Variants in ITGA9 observed in about 807,000 individuals in gnomAD.
ITGA9 encodes integrin alpha-9.
In ITGA9, 56 loss-of-function variants were observed where a neutral mutation model predicts 127.8. That is an observed-to-expected ratio of 0.44 (90% confidence interval 0.35 to 0.55). The LOEUF is 0.55. Among genes scored for constraint, ITGA9 ranks in the 20% least tolerant of loss-of-function variants. The pLI is 0.00. For synonymous variants in ITGA9, 508 were observed against 514.5 expected (o/e 0.99, Z 0.17); for missense variants, 1,196 against 1,347.1 (o/e 0.89, Z 1.76).
chr3:37,465,397 A>G lies in ITGA9; in HGVS notation c.186-5610A>G, dbSNP rs371556620. ...TGCAGGGCACTTAAACTGCCACACC[A>G]GGAGGGGGTTTGGAGAGGCTGGAAA... On this transcript the variant is annotated intron_variant, in intron 1 of 27. Coordinates refer to ENST00000264741, the MANE Select transcript of ITGA9 (RefSeq NM_002207.3). Among the ~76,000 whole-genome samples, 38 of 152,308 alleles carry G rather than the reference A, an allele frequency of 2.5e-4. No homozygotes were observed. In the South Asian group the frequency reaches 7.5e-3, roughly 30 times the overall value.
Position 37,494,581 on chromosome 3 carries a change from T to C in ITGA9, c.612+13T>C. ...CTTCTTCACCGAGGTGGGTGTCTGC[T>C]GTCTGGGCATTTCTGTTCTCTTGTG... On this transcript the variant is annotated intron_variant, in intron 5 of 27. Transcript: ENST00000264741. The C allele has an allele frequency of 1.9e-6, 3 of 1,609,636 alleles. No homozygotes were observed. The highest frequency in any genetic ancestry group is 2.6e-6 in the Non-Finnish European group (3 of 1,176,058).
rs927883061 is a variant in ITGA9, at chr3:37,513,969, G to A, written c.1035+69G>A. 2.3e-5 allele frequency: 36 copies of A among 1,590,642 alleles called. No homozygotes were observed. The African/African-American group carries it at 3.4e-4, about 15-fold the overall frequency. On this transcript the variant is annotated intron_variant, in intron 9 of 27. Transcript: ENST00000264741. Reference sequence around the variant, plus strand: ...GACATTTGTCCAGCCAGCAGTGGCCGAGCACCCCTCTGGGCCGGCACTGGG... The same window carrying A: ...GACATTTGTCCAGCCAGCAGTGGCCAAGCACCCCTCTGGGCCGGCACTGGG...
chr3:37,578,836 T>TA (rs34036748), intron 15 of ITGA9, among the ~76,000 whole-genome samples: 97,894 of 151,648 alleles, frequency 0.65, 31,912 homozygotes, highest in East Asian at 0.74. Flanking sequence ...AGAAAGAAGG[T>TA]AAGTCCTAAG....
At chr3:37,544,147 C>T (rs998500343) in intron 15 of ITGA9, among the ~76,000 whole-genome samples, 2 of 152,236 alleles carry the variant, frequency 1.3e-5, no homozygotes, top group Non-Finnish European at 2.9e-5. Flanking sequence ...TTCTTTGCAG[C>T]TTCTTGCTTT....
intron 5 of ITGA9, 135 bp from the exon 6 acceptor site, chr3:37,503,043 T>G: frequency 1.1e-6 from 1 of 893,478 alleles, no homozygotes. Flanking sequence ...GAAATCTGTT[T>G]TTGTTGCTTA....
intron 15 of ITGA9, among the ~76,000 whole-genome samples, chr3:37,562,428 C>G (rs917694980): frequency 1.3e-5 from 2 of 152,192 alleles, no homozygotes; most frequent in Non-Finnish European, 2.9e-5. Flanking sequence ...CTTTATTCCT[C>G]TTTAGTTGAC....
intron 18 of ITGA9, among the ~76,000 whole-genome samples, chr3:37,723,974 T>C (rs947201678): frequency 6.6e-6 from 1 of 152,204 alleles, no homozygotes; most frequent in Non-Finnish European, 1.5e-5. Context: ...ATGTCACTCA[T>C]TGGAAATTAA....
intron 18 of ITGA9, among the ~76,000 whole-genome samples, chr3:37,717,634 AACTC>A (rs759122491): frequency 1.3e-5 from 2 of 152,116 alleles, no homozygotes; most frequent in Non-Finnish European, 2.9e-5. Context: ...ATCTCATGAG[AACTC>A]ACTCACTATC....
At chr3:37,671,725 T>TA (rs1700638788) in intron 17 of ITGA9, among the ~76,000 whole-genome samples, 1 of 152,158 alleles carries the variant, frequency 6.6e-6, no homozygotes, top group African/African-American at 2.4e-5. Flanking sequence ...TGAGGTGCGT[T>TA]ACAGGGGTGC....
At chr3:37,607,931 C>T (rs898303810) in intron 15 of ITGA9, among the ~76,000 whole-genome samples, 6 of 152,286 alleles carry the variant, frequency 3.9e-5, no homozygotes, top group Non-Finnish European at 7.3e-5. Flanking sequence ...GGGGTAACTC[C>T]GTCTTCACCA....
chr3:37,787,523 A>G (rs1019170032), intron 26 of ITGA9, among the ~76,000 whole-genome samples: 1 of 152,126 alleles, frequency 6.6e-6, no homozygotes, highest in Non-Finnish European at 1.5e-5. Flanking sequence ...ATTAACACAC[A>G]TGGGAATTCC....
intron 18 of ITGA9, among the ~76,000 whole-genome samples, chr3:37,717,428 A>C (rs1450837721): frequency 6.6e-6 from 1 of 152,190 alleles, no homozygotes; most frequent in African/African-American, 2.4e-5. Context: ...ATAACGAACT[A>C]CCCGAGACTG....
intron 13 of ITGA9, among the ~76,000 whole-genome samples, chr3:37,528,088 C>G (rs377295373): frequency 2.0e-5 from 3 of 152,352 alleles, no homozygotes; most frequent in South Asian, 4.1e-4. Flanking sequence ...CCTGACCCAA[C>G]AGGCCCTCTT....
intron 19 of ITGA9, among the ~76,000 whole-genome samples, chr3:37,734,639 A>G (rs967637610): frequency 6.6e-6 from 1 of 152,054 alleles, no homozygotes; most frequent in Non-Finnish European, 1.5e-5. Flanking sequence ...ACAGGTGCCC[A>G]CCACCATGCC....
At chr3:37,718,444 C>A (rs894409096) in intron 18 of ITGA9, among the ~76,000 whole-genome samples, 1 of 152,182 alleles carries the variant, frequency 6.6e-6, no homozygotes, top group African/African-American at 2.4e-5. Flanking sequence ...GTTCCTCAGT[C>A]CTCACCAGCA....
chr3:37,590,995 C>G (rs1417822215), intron 15 of ITGA9, among the ~76,000 whole-genome samples: 1 of 152,178 alleles, frequency 6.6e-6, no homozygotes, highest in East Asian at 1.9e-4. Context: ...TGCTGTCCTG[C>G]TCTGCCCCAC....
intron 15 of ITGA9, among the ~76,000 whole-genome samples, chr3:37,598,362 G>A (rs1699887538): frequency 6.6e-6 from 1 of 152,196 alleles, no homozygotes; most frequent in Non-Finnish European, 1.5e-5. Flanking sequence ...TGCCCTGGGG[G>A]AGGGGATGGT....
At chr3:37,680,962 G>C (rs528114912) in intron 17 of ITGA9, among the ~76,000 whole-genome samples, 1 of 152,274 alleles carries the variant, frequency 6.6e-6, no homozygotes, top group East Asian at 1.9e-4. Flanking sequence ...TGGATCCTCA[G>C]AGCCCGTGCT....
chr3:37,582,073 C>T (rs1276496497), intron 15 of ITGA9, among the ~76,000 whole-genome samples: 1 of 152,178 alleles, frequency 6.6e-6, no homozygotes, highest in Non-Finnish European at 1.5e-5. Flanking sequence ...AGGCAGGCAG[C>T]CTCCCCTCCA....
Sources: allele counts gnomAD v4.1 joint callset (sites outside exome capture counted in the v4.1 genomes callset), GRCh38; gene constraint gnomAD v4.1.1; transcripts MANE v1.5; gene names NCBI Gene and HGNC (gene_info 2026-07-23, HGNC 2026-07-21).